IST1: variants seen among roughly 807,000 people sequenced by gnomAD.
IST1 encodes the protein IST1 homolog.
IST1 carries 23 observed loss-of-function variants against 37.0 expected under a neutral mutation model. That is an observed-to-expected ratio of 0.62 (90% confidence interval 0.45 to 0.88). The LOEUF (loss-of-function observed/expected upper bound fraction) is 0.88. Ranked by LOEUF, IST1 falls within the 40% of genes least tolerant of loss-of-function variation. The probability of loss-of-function intolerance (pLI) is 0.00; values close to 1 mark genes in which losing one functional copy is unlikely to be tolerated. For missense variants in IST1, 488 were observed against 445.4 expected, an observed-to-expected ratio of 1.10 and a Z score of -0.86; for synonymous variants, 180 against 161.7, an observed-to-expected ratio of 1.11 and a Z score of -0.86.
chr16:71,921,243 A>C lies in IST1; in HGVS notation c.442-100A>C, dbSNP rs557565631. ...CTGCTCTGAACCTTTTTTTCCCTCA[A>C]TATTACCTGTAAAATGAGAGGAGCT... is the stretch of plus-strand genomic sequence containing the variant. On this transcript the variant is annotated intron_variant, in intron 5 of 9. Transcript: ENST00000378799. 105 of 742,826 alleles carry C rather than the reference A, an allele frequency of 1.4e-4. No individual in the cohort carries two copies. In the African/African-American group the frequency reaches 1.6e-3, roughly 11 times the overall value. The allele number at this position is 742,826 out of a possible 1,614,324, so 46.0% of individuals were successfully genotyped here.
chr16:71,898,876 A>G (rs2037038584), intron 1 of IST1, among the ~76,000 whole-genome samples: 1 of 151,388 alleles, frequency 6.6e-6, no homozygotes, highest in Admixed American at 6.6e-5. Context: ...GAGGCAGGAG[A>G]ATCACTTGAA....
At position 71,929,896 on chromosome 16, in the gene IST1, G is replaced by A. The variant is rs997992427; in HGVS notation, c.*2083G>A. 1.2e-5 allele frequency: 13 copies of A among 1,095,218 alleles called. No individual in the cohort carries two copies. The African/African-American group carries it at 2.1e-4, about 18-fold the overall frequency. 67.8% of individuals were successfully genotyped at this position (1,095,218 alleles called of 1,614,324 possible). Reference sequence around the variant, plus strand: ...AATATTATGTAGTCTTATAAATTGGGTTTCCTAGGAAGATAGCTGGCAGAG... The same window carrying A: ...AATATTATGTAGTCTTATAAATTGGATTTCCTAGGAAGATAGCTGGCAGAG... On this transcript the variant is annotated 3_prime_UTR_variant, in exon 10 of 10. Coordinates refer to ENST00000378799, the MANE Select transcript of IST1 (RefSeq NM_001270975.2).
At chr16:71,896,278 C>A (rs982027416) in intron 1 of IST1, among the ~76,000 whole-genome samples, 5 of 152,028 alleles carry the variant, frequency 3.3e-5, no homozygotes, top group African/African-American at 1.2e-4. Context: ...AACTCAACAG[C>A]ATAAACTTTG....
At chr16:71,925,256 C>A (rs1010649471) in intron 9 of IST1, among the ~76,000 whole-genome samples, 1 of 151,438 alleles carries the variant, frequency 6.6e-6, no homozygotes, top group Admixed American at 6.6e-5. Context: ...CTTGTGAGAT[C>A]CGCCTGCCTT....
intron 7 of IST1, chr16:71,922,987 T>C (rs2037643570): frequency 2.0e-6 from 1 of 488,028 alleles, no homozygotes; most frequent in Non-Finnish European, 3.6e-6. Context: ...CCACCAATTA[T>C]TACCAGGCAG....
At chr16:71,895,527 C>A (rs2036944094), upstream of IST1, 1 of 985,624 alleles carries the variant, frequency 1.0e-6, no homozygotes, top group African/African-American at 1.7e-5. Context: ...CCGAGGGAGT[C>A]GCCATTTTGG....
At position 71,920,695 on chromosome 16, in the gene IST1, TTGGAG is replaced by T. The variant is rs752572626; in HGVS notation, c.358-40_358-36del. ...CCAGGAAGAAGCTTAAAGCAGTCCGTTGGAGTGGTCTCTATTTTTATTTGCTGTCC... is the reference window on the plus strand; with the variant it reads ...CCAGGAAGAAGCTTAAAGCAGTCCGTTGGTCTCTATTTTTATTTGCTGTCC... On this transcript the variant is annotated intron_variant, in intron 4 of 9. Coordinates refer to ENST00000378799, the MANE Select transcript of IST1 (RefSeq NM_001270975.2). The T allele has an allele frequency of 4.3e-6, 6 of 1,393,128 alleles. No individual in the cohort carries two copies. The Admixed American group carries it at 1.0e-4, about 23-fold the overall frequency. 86.3% of individuals were successfully genotyped at this position (1,393,128 alleles called of 1,614,324 possible).
rs553885873 is a variant in IST1 at position 71,908,792 on chromosome 16, T to C, written c.-15-6834T>C. ...TGCTCATTTCCGGGTTTCAGCCTGCTGTGCATCCAGGCTGGGGAACATCAG... is the reference window on the plus strand; with the variant it reads ...TGCTCATTTCCGGGTTTCAGCCTGCCGTGCATCCAGGCTGGGGAACATCAG... On this transcript the variant is annotated intron_variant, in intron 1 of 9. Transcript: ENST00000378799. Among the ~76,000 whole-genome samples, 6 of 152,296 alleles carry C rather than the reference T, an allele frequency of 3.9e-5. No homozygotes were observed. In the South Asian group the frequency reaches 1.2e-3, roughly 32 times the overall value.
intron 1 of IST1, among the ~76,000 whole-genome samples, chr16:71,906,483 AT>A (rs967828877): frequency 1.7e-3 from 230 of 133,990 alleles, no homozygotes; most frequent in African/African-American, 4.8e-3. Context: ...AATTTTTTGT[AT>A]TTTTTTTTTT....
Position 71,928,354 on chromosome 16 carries a change from G to A in IST1, c.*541G>A, listed in dbSNP as rs777169200. On this transcript the variant is annotated 3_prime_UTR_variant, in exon 10 of 10. Coordinates refer to ENST00000378799, the MANE Select transcript of IST1 (RefSeq NM_001270975.2). ...CATTGTAACGGTTCCTGGAAGCTGG[G>A]CCCTCTCATTGGCATATACAGTACT... The A allele has an allele frequency of 1.2e-4, 20 of 165,388 alleles. No homozygotes were observed. Among genetic ancestry groups the A allele is most frequent in the Middle Eastern group, 3.1e-3 (1 of 324 alleles). 10.2% of individuals were successfully genotyped at this position (165,388 alleles called of 1,614,324 possible). A position where few individuals can be genotyped will look rare whatever the true frequency, so the allele number is the denominator to read the frequency against.
chr16:71,895,645 C>T (rs1352311185), intron 1 of IST1, 56 bp downstream of exon 1: 4 of 747,730 alleles, frequency 5.3e-6, no homozygotes, highest in Admixed American at 6.2e-5. Context: ...TCTCTGCGCT[C>T]CTGATTTAGC....
chr16:71,908,263 C>A (rs1309081402), intron 1 of IST1, among the ~76,000 whole-genome samples: 1 of 147,358 alleles, frequency 6.8e-6, no homozygotes, highest in Non-Finnish European at 1.5e-5. Context: ...TTTAATCTTT[C>A]CATTCAAGAG....
intron 1 of IST1, among the ~76,000 whole-genome samples, chr16:71,898,168 A>T (rs1167316490): frequency 6.6e-6 from 1 of 151,624 alleles, no homozygotes; most frequent in South Asian, 2.1e-4. Flanking sequence ...TGAGGTAAAG[A>T]GTTTGAGACC....
intron 1 of IST1, among the ~76,000 whole-genome samples, chr16:71,898,857 C>T (rs575040095): frequency 1.1e-4 from 16 of 147,870 alleles, no homozygotes; most frequent in African/African-American, 4.0e-4. Context: ...CCCAGCTACT[C>T]GGGAGGCTGA....
rs998117381 is a variant in IST1, at chr16:71,930,684, T to G, written c.*2871T>G. The G allele has an allele frequency of 2.0e-5, 3 of 152,142 alleles. No individual in the cohort carries two copies. The highest frequency in any genetic ancestry group is 7.2e-5 in the African/African-American group (3 of 41,412). 9.4% of individuals were successfully genotyped at this position (152,142 alleles called of 1,614,324 possible). ...TTTTTTCCATTGTCATTTTTAAAGG[T>G]ACAAGCATTGAGTTCTGCCATTCTT... On this transcript the variant is annotated 3_prime_UTR_variant, in exon 10 of 10. Coordinates refer to ENST00000378799, the MANE Select transcript of IST1 (RefSeq NM_001270975.2).
chr16:71,903,409 T>C (rs2037153135), intron 1 of IST1, among the ~76,000 whole-genome samples: 1 of 152,194 alleles, frequency 6.6e-6, no homozygotes. Context: ...TTTTTTTCAC[T>C]TGAAGCTTTC....
Position 71,895,559 on chromosome 16 carries a change from G to T in IST1, c.-46G>T. ...TTGGATGGTGAACCCTGAAGTCGGTGTCTGCTGCGTTCACGGCAGGATTCG... is the reference window on the plus strand; with the variant it reads ...TTGGATGGTGAACCCTGAAGTCGGTTTCTGCTGCGTTCACGGCAGGATTCG... On this transcript the variant is annotated 5_prime_UTR_variant, in exon 1 of 10. Coordinates refer to ENST00000378799, the MANE Select transcript of IST1 (RefSeq NM_001270975.2). 1.0e-6 allele frequency: 1 copy of T among 985,656 alleles called. No homozygotes were observed. The highest frequency in any genetic ancestry group is 4.7e-5 in the South Asian group (1 of 21,370). 61.1% of individuals were successfully genotyped at this position (985,656 alleles called of 1,614,324 possible). A position where few individuals can be genotyped will look rare whatever the true frequency, so the allele number is the denominator to read the frequency against.
intron 1 of IST1, among the ~76,000 whole-genome samples, chr16:71,897,151 A>T (rs1352422588): frequency 6.8e-6 from 1 of 146,444 alleles, no homozygotes; most frequent in African/African-American, 2.5e-5. Context: ...GTAGTAGCTG[A>T]CACTACAGGC....
chr16:71,921,740 A>G (rs1027991864), intron 6 of IST1: 2 of 323,526 alleles, frequency 6.2e-6, no homozygotes, highest in Middle Eastern at 1.0e-3. Flanking sequence ...TGTTCATAGC[A>G]AGAAATGCCC....
Sources: allele counts gnomAD v4.1 joint callset (sites outside exome capture counted in the v4.1 genomes callset), GRCh38; gene constraint gnomAD v4.1.1; transcripts MANE v1.5; gene names NCBI Gene and HGNC (gene_info 2026-07-23, HGNC 2026-07-21).